The following KMT2E variants were observed in gnomAD, a reference collection of about 807,000 sequenced individuals.
KMT2E encodes the protein histone reader KMT2E.
Under a neutral mutation model 184.6 loss-of-function variants are expected in KMT2E, and 30 were observed. The ratio of observed to expected loss-of-function variants is 0.16; its 90% CI spans 0.12 to 0.22. The LOEUF is 0.22. KMT2E is among the 10% of genes least tolerant of loss of function. KMT2E has a pLI of 1.00. For missense variants in KMT2E, 2,023 were observed against 2,237.4 expected (o/e 0.90, Z 1.93); for synonymous variants, 815 against 776.5 (o/e 1.05, Z -0.82).
At chr7:105,017,171 A>G (rs1380504597) in intron 1 of KMT2E, among the ~76,000 whole-genome samples, 1 of 152,176 alleles carries the variant, frequency 6.6e-6, no homozygotes, top group Non-Finnish European at 1.5e-5. Flanking sequence ...AATATACAAA[A>G]TCAGTGTATT....
intron 15 of KMT2E, among the ~76,000 whole-genome samples, chr7:105,098,906 T>C (rs892378958): frequency 6.6e-6 from 1 of 152,210 alleles, no homozygotes; most frequent in Non-Finnish European, 1.5e-5. Flanking sequence ...ATGGAAAGTC[T>C]GCAGGGGTTA....
At chr7:105,048,435 T>G (rs1220017037) in intron 3 of KMT2E, among the ~76,000 whole-genome samples, 1 of 152,202 alleles carries the variant, frequency 6.6e-6, no homozygotes, top group Non-Finnish European at 1.5e-5. Context: ...TATTGTGACT[T>G]TAAAATTTGA....
chr7:105,015,402 A>C (rs142401447), intron 1 of KMT2E, among the ~76,000 whole-genome samples: 212 of 152,304 alleles, frequency 1.4e-3, no homozygotes, highest in African/African-American at 4.7e-3. Flanking sequence ...CTCTGTCTTA[A>C]GAACGATACA....
intron 6 of KMT2E, among the ~76,000 whole-genome samples, chr7:105,072,012 A>G (rs993656215): frequency 6.6e-6 from 1 of 152,060 alleles, no homozygotes; most frequent in Admixed American, 6.6e-5. Flanking sequence ...AAAGTTGGTT[A>G]AAAAGTTACC....
At chr7:105,082,378 C>CT (rs1266634833) in intron 13 of KMT2E, among the ~76,000 whole-genome samples, 1 of 152,196 alleles carries the variant, frequency 6.6e-6, no homozygotes, top group Non-Finnish European at 1.5e-5. Context: ...AGAAACTTTA[C>CT]TAATAGCCTA....
intron 15 of KMT2E, among the ~76,000 whole-genome samples, chr7:105,095,861 T>TAAAC (rs933119583): frequency 1.3e-5 from 2 of 152,138 alleles, no homozygotes; most frequent in Non-Finnish European, 2.9e-5. Context: ...TCTTCTCATA[T>TAAAC]AAACAGTACA....
chr7:105,081,125 T>TA (rs35890502), intron 12 of KMT2E, among the ~76,000 whole-genome samples: 29,350 of 152,048 alleles, frequency 0.19, 3,614 homozygotes, highest in East Asian at 0.58. Context: ...CTCACGCCTG[T>TA]AATCCCAGCA....
At chr7:105,031,028 GGA>G (rs1429605018) in intron 1 of KMT2E, among the ~76,000 whole-genome samples, 20 of 152,254 alleles carry the variant, frequency 1.3e-4, no homozygotes, top group African/African-American at 4.6e-4. Context: ...GGAGATAGAA[GGA>G]GAGTGAGGAC....
At chr7:105,082,250 C>A (rs1797785272) in intron 13 of KMT2E, among the ~76,000 whole-genome samples, 1 of 152,104 alleles carries the variant, frequency 6.6e-6, no homozygotes, top group Non-Finnish European at 1.5e-5. Flanking sequence ...AACTATTTTT[C>A]TGAAATACTA....
chr7:105,037,778 A>G (rs962668930), intron 1 of KMT2E, among the ~76,000 whole-genome samples: 6 of 151,696 alleles, frequency 4.0e-5, no homozygotes, highest in Non-Finnish European at 2.9e-5. Flanking sequence ...TTCCTACTTG[A>G]GAGTCTTGTT....
At position 105,059,978 on chromosome 7, in the gene KMT2E, GTTTTTTTTTTTTTTTTTTTT is replaced by G. The variant is rs67291226; in HGVS notation, c.72-2172_72-2153del. On this transcript the variant is annotated intron_variant, in intron 3 of 26. Coordinates refer to ENST00000311117, the MANE Select transcript of KMT2E (RefSeq NM_182931.3). Reference sequence around the variant, plus strand: ...GCTGAATATTGATTTTCTTGTTGTTGTTTTTTTTTTTTTTTTTTTTTTTTTTTTTTTTTGGAGACAGAGTC... The same window carrying G: ...GCTGAATATTGATTTTCTTGTTGTTGTTTTTTTTTTTTTGGAGACAGAGTC... 5.5e-3 allele frequency among the ~76,000 whole-genome samples: 287 copies of G among 51,818 alleles called. 2 individuals are homozygous for G. The highest frequency in any genetic ancestry group is 8.7e-3 in the Non-Finnish European group (217 of 24,964). The allele number at this position is 51,818 out of a possible 152,430, so 34.0% of individuals were successfully genotyped here.
At chr7:105,075,074 TAGAA>T (rs1483907387) in intron 8 of KMT2E, among the ~76,000 whole-genome samples, 1 of 152,192 alleles carries the variant, frequency 6.6e-6, no homozygotes, top group Non-Finnish European at 1.5e-5. Flanking sequence ...AAAAATAAAA[TAGAA>T]AGCCTTCATA....
chr7:105,062,104 AATTG>A (rs1253422875), intron 3 of KMT2E, 56 bp from the exon 4 acceptor site: 2 of 1,071,656 alleles, frequency 1.9e-6, no homozygotes, highest in Non-Finnish European at 2.9e-6. Context: ...ATTTTAATTA[AATTG>A]ATTAAGAGGA....
At chr7:105,106,920 A>T in intron 20 of KMT2E, 148 bp downstream of exon 20, 1 of 827,758 alleles carries the variant, frequency 1.2e-6, no homozygotes, top group Non-Finnish European at 1.8e-6. Context: ...ATTCATTTAT[A>T]TGAATTTAGA....
At chr7:105,017,121 G>T (rs1433706160) in intron 1 of KMT2E, among the ~76,000 whole-genome samples, 1 of 152,136 alleles carries the variant, frequency 6.6e-6, no homozygotes, top group Non-Finnish European at 1.5e-5. Context: ...GGTGATTAAG[G>T]TCTGTGGTTC....
At chr7:105,068,429 G>C (rs1328759570) in intron 6 of KMT2E, among the ~76,000 whole-genome samples, 1 of 151,690 alleles carries the variant, frequency 6.6e-6, no homozygotes, top group Non-Finnish European at 1.5e-5. Flanking sequence ...TTACTTATCA[G>C]CTGGAATATT....
At chr7:105,064,175 T>TTTTTG (rs1266899011) in intron 5 of KMT2E, 2 of 295,106 alleles carry the variant, frequency 6.8e-6, no homozygotes, top group East Asian at 2.0e-4. Context: ...TTTTTTTTTT[T>TTTTTG]TTTTTTTTTT....
intron 1 of KMT2E, among the ~76,000 whole-genome samples, chr7:105,020,972 G>C (rs1794925464): frequency 6.6e-6 from 1 of 152,192 alleles, no homozygotes; most frequent in Non-Finnish European, 1.5e-5. Context: ...TTATTTCAGA[G>C]ACTAATATAT....
At chr7:105,068,627 T>G (rs1161019470) in intron 6 of KMT2E, among the ~76,000 whole-genome samples, 1 of 137,744 alleles carries the variant, frequency 7.3e-6, no homozygotes, top group African/African-American at 3.1e-5. Flanking sequence ...AGTTGTGGTT[T>G]TTTTTTTTTT....
Sources: gnomAD v4.1 joint callset for allele counts (sites outside exome capture counted in the v4.1 genomes callset) on GRCh38, gnomAD v4.1.1 for gene constraint, MANE v1.5 for transcripts, NCBI Gene and HGNC (gene_info 2026-07-23, HGNC 2026-07-21) for gene names.